EXT1: variants seen among roughly 807,000 people sequenced by gnomAD.
EXT1 encodes the protein exostosin-1.
A neutral mutation model predicts 82.5 loss-of-function variants in EXT1; 20 were observed. The observed-to-expected ratio is 0.24, with a 90% confidence interval of 0.17 to 0.35. The LOEUF is 0.35. EXT1 is among the 10% of genes least tolerant of loss of function. The pLI, the probability that EXT1 is intolerant of heterozygous loss-of-function variation, is 1.00. For synonymous variants in EXT1, 348 were observed against 350.8 expected (o/e 0.99, Z 0.09); for missense variants, 757 against 936.5 (o/e 0.81, Z 2.50).
At chr8:117,852,910 A>C (rs1051920841) in intron 1 of EXT1, among the ~76,000 whole-genome samples, 2 of 152,180 alleles carry the variant, frequency 1.3e-5, no homozygotes, top group Non-Finnish European at 2.9e-5. Flanking sequence ...ATCATATAAT[A>C]AAATCAACAG....
intron 1 of EXT1, among the ~76,000 whole-genome samples, chr8:118,049,551 G>A (rs571605258): frequency 6.6e-6 from 1 of 152,264 alleles, no homozygotes; most frequent in African/African-American, 2.4e-5. Flanking sequence ...ATGGTGCCCT[G>A]CATCCCTGGC....
intron 10 of EXT1, among the ~76,000 whole-genome samples, chr8:117,801,641 G>C (rs1401314740): frequency 6.6e-6 from 1 of 152,148 alleles, no homozygotes; most frequent in Non-Finnish European, 1.5e-5. Flanking sequence ...AAGTATCTGG[G>C]ATTACAGGTG....
chr8:118,033,634 A>G (rs1816371878), intron 1 of EXT1, among the ~76,000 whole-genome samples: 1 of 152,128 alleles, frequency 6.6e-6, no homozygotes, highest in Non-Finnish European at 1.5e-5. Context: ...GTGCACCACC[A>G]CACCTGGCTA....
intron 1 of EXT1, among the ~76,000 whole-genome samples, chr8:118,033,528 G>A (rs1394114166): frequency 6.6e-6 from 1 of 152,146 alleles, no homozygotes; most frequent in Non-Finnish European, 1.5e-5. Flanking sequence ...GCCCAAGCTG[G>A]AGTGCAGTGG....
At chr8:117,897,626 G>T (rs1021026555) in intron 1 of EXT1, among the ~76,000 whole-genome samples, 4 of 111,460 alleles carry the variant, frequency 3.6e-5, no homozygotes, top group Non-Finnish European at 5.0e-5. Context: ...ACAGAGTCTC[G>T]CTCTGTCGAC....
chr8:117,897,591 C>CTTTTTTTTTTTTTTTTTTTTTTTTT lies in EXT1; in HGVS notation c.963-60391_963-60390insAAAAAAAAAAAAAAAAAAAAAAAAA, dbSNP rs34963536. ...TAGCCCATTGCCGGGCTTCTTTTCT[C>CTTTTTTTTTTTTTTTTTTTTTTTTT]TTTTTTTTTTTTTTTTTTTTTGAGA... On this transcript the variant is annotated intron_variant, in intron 1 of 10. Coordinates refer to ENST00000378204, the MANE Select transcript of EXT1 (RefSeq NM_000127.3). Among the ~76,000 whole-genome samples the CTTTTTTTTTTTTTTTTTTTTTTTTT allele has an allele frequency of 9.9e-5, 9 of 90,690 alleles. 1 individual carries two copies. The highest frequency in any genetic ancestry group is 2.2e-4 in the African/African-American group (5 of 22,894). 59.5% of individuals were successfully genotyped at this position (90,690 alleles called of 152,430 possible). A position where few individuals can be genotyped will look rare whatever the true frequency, so the allele number is the denominator to read the frequency against.
chr8:118,084,136 A>G (rs949378470), intron 1 of EXT1, among the ~76,000 whole-genome samples: 3 of 152,330 alleles, frequency 2.0e-5, no homozygotes, highest in African/African-American at 7.2e-5. Context: ...TCTAATCACC[A>G]AGCTCTCTCA....
intron 1 of EXT1, among the ~76,000 whole-genome samples, chr8:117,917,335 C>T (rs1813771127): frequency 6.6e-6 from 1 of 152,034 alleles, no homozygotes; most frequent in East Asian, 1.9e-4. Flanking sequence ...CGTAGTGGTG[C>T]GTGCCTGTAA....
At chr8:117,803,883 A>T (rs1364126400) in intron 10 of EXT1, among the ~76,000 whole-genome samples, 1 of 152,200 alleles carries the variant, frequency 6.6e-6, no homozygotes, top group African/African-American at 2.4e-5. Context: ...GAGCCAACTG[A>T]GTTTCAGAAG....
chr8:118,058,718 T>C (rs972814532), intron 1 of EXT1, among the ~76,000 whole-genome samples: 21 of 152,138 alleles, frequency 1.4e-4, no homozygotes, highest in Admixed American at 1.1e-3. Context: ...ATAGATTAAA[T>C]AGATTAGGTA....
chr8:117,934,553 C>T (rs1282071931), intron 1 of EXT1, among the ~76,000 whole-genome samples: 1 of 152,216 alleles, frequency 6.6e-6, no homozygotes, highest in Non-Finnish European at 1.5e-5. Context: ...TGTCACGCCC[C>T]CTTTCCCTTC....
intron 1 of EXT1, among the ~76,000 whole-genome samples, chr8:118,081,415 T>C (rs1365835741): frequency 6.6e-6 from 1 of 152,228 alleles, no homozygotes; most frequent in Non-Finnish European, 1.5e-5. Flanking sequence ...ATACTATGCA[T>C]AGATAACTGC....
At chr8:117,898,478 T>C (rs1456902972) in intron 1 of EXT1, among the ~76,000 whole-genome samples, 1 of 152,226 alleles carries the variant, frequency 6.6e-6, no homozygotes, top group Non-Finnish European at 1.5e-5. Context: ...ACAAATGCAG[T>C]CTGTGTAACA....
chr8:117,889,822 G>A (rs1015356640), intron 1 of EXT1, among the ~76,000 whole-genome samples: 1 of 152,106 alleles, frequency 6.6e-6, no homozygotes, highest in Admixed American at 6.5e-5. Context: ...TAACTACATA[G>A]GAAAATTCGA....
chr8:117,884,241 C>T (rs1813109482), intron 1 of EXT1, among the ~76,000 whole-genome samples: 1 of 152,214 alleles, frequency 6.6e-6, no homozygotes, highest in African/African-American at 2.4e-5. Flanking sequence ...GCTACTCCAT[C>T]CCAGACAGCA....
intron 1 of EXT1, among the ~76,000 whole-genome samples, chr8:118,032,425 C>T (rs1753864777): frequency 6.6e-6 from 1 of 151,516 alleles, no homozygotes; most frequent in African/African-American, 2.4e-5. Context: ...AGGGTCTGTG[C>T]TAATTTTCAT....
chr8:117,970,920 C>T (rs1814926559), intron 1 of EXT1, among the ~76,000 whole-genome samples: 1 of 152,166 alleles, frequency 6.6e-6, no homozygotes. Flanking sequence ...GCAGCAGGAT[C>T]ATCTCACAGG....
intron 5 of EXT1, among the ~76,000 whole-genome samples, 161 bp downstream of exon 5, chr8:117,822,304 T>C (rs1443065000): frequency 6.6e-6 from 1 of 152,180 alleles, no homozygotes; most frequent in Non-Finnish European, 1.5e-5. Flanking sequence ...CTCTGCTCTG[T>C]TTTTGAACTT....
intron 1 of EXT1, among the ~76,000 whole-genome samples, chr8:118,003,817 G>C (rs1196958436): frequency 6.6e-6 from 1 of 152,030 alleles, no homozygotes; most frequent in Non-Finnish European, 1.5e-5. Context: ...CTCCAGCATG[G>C]TTAAATAATA....
Sources: gnomAD v4.1 joint callset for allele counts (sites outside exome capture counted in the v4.1 genomes callset) on GRCh38, gnomAD v4.1.1 for gene constraint, MANE v1.5 for transcripts, NCBI Gene and HGNC (gene_info 2026-07-23, HGNC 2026-07-21) for gene names.